Variants in GNAQ observed in about 807,000 individuals in gnomAD.
GNAQ encodes the protein guanine nucleotide-binding protein G(q) subunit alpha.
In GNAQ, 8 loss-of-function variants were observed where a neutral mutation model predicts 43.9. The ratio of observed to expected loss-of-function variants is 0.18; its 90% CI spans 0.11 to 0.33. The LOEUF is 0.33. Among genes scored for constraint, GNAQ ranks in the 10% least tolerant of loss-of-function variants. The pLI is 1.00. For missense variants in GNAQ, 158 were observed against 450.8 expected (o/e 0.35, Z 5.88); for synonymous variants, 155 against 170.7 (o/e 0.91, Z 0.71).
intron 1 of GNAQ, among the ~76,000 whole-genome samples, chr9:77,924,288 T>G (rs183545437): frequency 6.6e-6 from 1 of 152,280 alleles, no homozygotes; most frequent in East Asian, 1.9e-4. Context: ...CTACAAAATT[T>G]TTTCTCATTA....
At chr9:77,786,285 G>A (rs964952917) in intron 5 of GNAQ, among the ~76,000 whole-genome samples, 3 of 151,420 alleles carry the variant, frequency 2.0e-5, no homozygotes, top group African/African-American at 7.3e-5. Context: ...AGCTGAGGCA[G>A]GAGAATGGCG....
intron 6 of GNAQ, among the ~76,000 whole-genome samples, chr9:77,725,566 G>C (rs1381717347): frequency 3.5e-5 from 5 of 142,352 alleles, no homozygotes; most frequent in Non-Finnish European, 7.6e-5. Flanking sequence ...TGTATACTGG[G>C]GTAAGGTAAC....
chr9:77,930,240 T>C (rs142311247), intron 1 of GNAQ, among the ~76,000 whole-genome samples: 214 of 152,258 alleles, frequency 1.4e-3, no homozygotes, highest in African/African-American at 4.9e-3. Flanking sequence ...CCCTACAAAT[T>C]TGAGAGACTG....
At chr9:77,863,322 C>T (rs117125809) in intron 2 of GNAQ, among the ~76,000 whole-genome samples, 2,057 of 152,276 alleles carry the variant, frequency 0.014, 19 homozygotes, top group Non-Finnish European at 0.018. Flanking sequence ...ATCTCTAGGG[C>T]AGGGGCAAAA....
At chr9:77,857,721 T>C (rs1303537392) in intron 2 of GNAQ, among the ~76,000 whole-genome samples, 3 of 150,578 alleles carry the variant, frequency 2.0e-5, no homozygotes, top group Non-Finnish European at 4.4e-5. Context: ...GGAAAGAGTC[T>C]ACCTAAATTT....
At chr9:77,748,852 G>A (rs1482429502) in intron 5 of GNAQ, among the ~76,000 whole-genome samples, 4 of 152,122 alleles carry the variant, frequency 2.6e-5, no homozygotes, top group African/African-American at 7.2e-5. Context: ...CCAGGTACTG[G>A]AGCCAGTCCA....
At chr9:77,993,655 T>G (rs1157721127) in intron 1 of GNAQ, among the ~76,000 whole-genome samples, 7 of 151,542 alleles carry the variant, frequency 4.6e-5, no homozygotes, top group Non-Finnish European at 1.0e-4. Flanking sequence ...TAAACCAAGA[T>G]TGGGCCACTG....
rs1426084019 is a variant in GNAQ, at chr9:77,940,590, T to A, written c.137-18245A>T. On this transcript the variant is annotated intron_variant, in intron 1 of 6. Transcript: ENST00000286548. ...ACCCTGTCTCTTAAAAAAGAAAAAT[T>A]AAATTAAATTTTAAAAAGAATCTAA... Among the ~76,000 whole-genome samples, 3 of 149,802 alleles carry A rather than the reference T, an allele frequency of 2.0e-5. No homozygotes were observed. In the Admixed American group the frequency reaches 2.0e-4, roughly 10 times the overall value.
intron 1 of GNAQ, among the ~76,000 whole-genome samples, chr9:77,933,854 G>A (rs1829190806): frequency 6.6e-6 from 1 of 152,072 alleles, no homozygotes; most frequent in Admixed American, 6.5e-5. Context: ...ACGCAATCCA[G>A]ATTATTAGGT....
At chr9:77,880,709 T>A (rs1828194649) in intron 2 of GNAQ, among the ~76,000 whole-genome samples, 1 of 152,224 alleles carries the variant, frequency 6.6e-6, no homozygotes, top group Non-Finnish European at 1.5e-5. Context: ...CAATTTGCCT[T>A]CATCATGAAG....
intron 2 of GNAQ, among the ~76,000 whole-genome samples, chr9:77,858,930 C>T (rs1351763185): frequency 6.6e-6 from 1 of 152,102 alleles, no homozygotes; most frequent in Non-Finnish European, 1.5e-5. Context: ...GTTGGTGCCT[C>T]TGTACTTTCC....
At chr9:77,798,570 G>C (rs760492913) in intron 3 of GNAQ, among the ~76,000 whole-genome samples, 1 of 152,064 alleles carries the variant, frequency 6.6e-6, no homozygotes, top group Non-Finnish European at 1.5e-5. Context: ...CAGTATCTGT[G>C]AGCGACTGGA....
chr9:77,993,807 GACT>G (rs1823537147), intron 1 of GNAQ, among the ~76,000 whole-genome samples: 1 of 152,010 alleles, frequency 6.6e-6, no homozygotes, highest in African/African-American at 2.4e-5. Flanking sequence ...GACATTTCAA[GACT>G]ACTTTAAATA....
intron 1 of GNAQ, among the ~76,000 whole-genome samples, chr9:77,990,528 T>C (rs1823495427): frequency 6.6e-6 from 1 of 152,214 alleles, no homozygotes; most frequent in Non-Finnish European, 1.5e-5. Flanking sequence ...CAACCTCTTT[T>C]AAGCCTTTTC....
chr9:77,865,976 C>T (rs781430292), intron 2 of GNAQ, among the ~76,000 whole-genome samples: 3 of 152,160 alleles, frequency 2.0e-5, no homozygotes, highest in Non-Finnish European at 4.4e-5. Context: ...TAACCCTATC[C>T]TTGAAGAACT....
At chr9:77,971,170 A>T (rs992743801) in intron 1 of GNAQ, among the ~76,000 whole-genome samples, 1 of 152,226 alleles carries the variant, frequency 6.6e-6, no homozygotes, top group Admixed American at 6.5e-5. Context: ...CTAGGACCAG[A>T]CGGATTCACA....
chr9:77,724,275 C>G (rs1825363950), intron 6 of GNAQ, among the ~76,000 whole-genome samples: 1 of 152,096 alleles, frequency 6.6e-6, no homozygotes. Flanking sequence ...ACTGCAACCT[C>G]CACCTCCTGG....
rs1051389915 is a variant in GNAQ at position 77,874,976 on chromosome 9, A to G, written c.321+47185T>C. ...TGAAGGAAAGGTCATGACCAAGCAG[A>G]AGGGGTTGGGGTTGGTGATGAGACA... On this transcript the variant is annotated intron_variant, in intron 2 of 6. Coordinates refer to ENST00000286548, the MANE Select transcript of GNAQ (RefSeq NM_002072.5). 2.0e-5 allele frequency among the ~76,000 whole-genome samples: 3 copies of G among 151,806 alleles called. No individual in the cohort carries two copies. In the East Asian group the frequency reaches 5.9e-4, roughly 30 times the overall value.
chr9:77,873,353 C>T (rs1828073985), intron 2 of GNAQ, among the ~76,000 whole-genome samples: 1 of 152,130 alleles, frequency 6.6e-6, no homozygotes, highest in African/African-American at 2.4e-5. Flanking sequence ...GAAATAAATG[C>T]TTATGTATTC....
Sources: allele counts gnomAD v4.1 joint callset (sites outside exome capture counted in the v4.1 genomes callset), GRCh38; gene constraint gnomAD v4.1.1; transcripts MANE v1.5; gene names NCBI Gene and HGNC (gene_info 2026-07-23, HGNC 2026-07-21).